Variants in SYNPO2 observed in about 807,000 individuals in gnomAD.
SYNPO2 encodes synaptopodin-2.
A neutral mutation model predicts 85.0 loss-of-function variants in SYNPO2; 56 were observed. The ratio of observed to expected loss-of-function variants is 0.66; its 90% CI spans 0.53 to 0.82. SYNPO2 has a LOEUF of 0.82. Among genes scored for constraint, SYNPO2 ranks in the 40% least tolerant of loss-of-function variants. The pLI is 0.00. For synonymous variants in SYNPO2, 602 were observed against 591.1 expected (o/e 1.02, Z -0.27); for missense variants, 1,575 against 1,534.2 (o/e 1.03, Z -0.44).
intron 1 of SYNPO2, among the ~76,000 whole-genome samples, chr4:118,871,870 A>G (rs928074114): frequency 6.6e-6 from 1 of 152,204 alleles, no homozygotes; most frequent in Non-Finnish European, 1.5e-5. Context: ...CACCTGGCCT[A>G]TAATCAATTG....
chr4:118,855,398 A>G (rs1731487806), intron 1 of SYNPO2, among the ~76,000 whole-genome samples: 1 of 152,148 alleles, frequency 6.6e-6, no homozygotes, highest in African/African-American at 2.4e-5. Context: ...AAAGACAGTA[A>G]TTGTGAAAAT....
rs143816089 is a variant in SYNPO2, at chr4:118,863,115, T to C, written c.12+12175T>C. 1.6e-3 allele frequency among the ~76,000 whole-genome samples: 239 copies of C among 152,314 alleles called. 1 individual carries two copies. Among genetic ancestry groups the C allele is most frequent in the African/African-American group, 5.4e-3 (224 of 41,576 alleles). ...TGAGCCCCTGCACCCGGACTTTTTC[T>C]TTTCTTTTTTCAAATGTGTATTTGT... On this transcript the variant is annotated intron_variant, in intron 1 of 4. Coordinates refer to the SYNPO2 transcript ENST00000610556.
At chr4:118,973,416 G>C (rs1023086023) in intron 1 of SYNPO2, among the ~76,000 whole-genome samples, 9 of 151,928 alleles carry the variant, frequency 5.9e-5, no homozygotes, top group Non-Finnish European at 5.9e-5. Flanking sequence ...TGATTTTTAA[G>C]AGAAAGCCAC....
chr4:118,926,015 G>A (rs1288165582), intron 1 of SYNPO2, among the ~76,000 whole-genome samples: 1 of 152,100 alleles, frequency 6.6e-6, no homozygotes, highest in Non-Finnish European at 1.5e-5. Context: ...CACAGTAGTC[G>A]GTGGGAGGGC....
chr4:118,936,278 A>G (rs1231090952), intron 1 of SYNPO2, among the ~76,000 whole-genome samples: 1 of 152,110 alleles, frequency 6.6e-6, no homozygotes, highest in African/African-American at 2.4e-5. Flanking sequence ...ACATATCTCC[A>G]TCGTTAAGCA....
At chr4:119,001,709 A>C (rs1736829552) in intron 1 of SYNPO2, among the ~76,000 whole-genome samples, 1 of 152,232 alleles carries the variant, frequency 6.6e-6, no homozygotes, top group Admixed American at 6.5e-5. Flanking sequence ...CGTTTTATGA[A>C]AAACCATCAA....
chr4:118,901,580 T>C (rs1732757812), intron 1 of SYNPO2, among the ~76,000 whole-genome samples: 1 of 152,262 alleles, frequency 6.6e-6, no homozygotes, highest in Non-Finnish European at 1.5e-5. Context: ...ATGTGTTATC[T>C]TTAATTATTA....
rs575976081 is a variant in SYNPO2 at position 118,999,837 on chromosome 4, A to G, written c.106-23593A>G. ...AACAGTTTCCTTCTAATCTACTACC[A>G]TCTTCAGGGTTTTGCACTATTGCCT... On this transcript the variant is annotated intron_variant, in intron 1 of 4. Transcript: ENST00000307142. Among the ~76,000 whole-genome samples, 8 of 152,290 alleles carry G rather than the reference A, an allele frequency of 5.3e-5. No homozygotes were observed. The East Asian group carries it at 9.7e-4, about 18-fold the overall frequency.
intron 2 of SYNPO2, among the ~76,000 whole-genome samples, chr4:119,024,686 TA>T (rs11299329): frequency 0.47 from 71,311 of 151,726 alleles, 16,852 homozygotes; most frequent in South Asian, 0.54. Context: ...ATTTATAAAA[TA>T]AAAAAAATTA....
intron 1 of SYNPO2, among the ~76,000 whole-genome samples, chr4:118,990,719 G>A (rs969091449): frequency 2.0e-5 from 3 of 152,108 alleles, no homozygotes; most frequent in African/African-American, 4.8e-5. Flanking sequence ...AGCGATGCTC[G>A]TGCCTCAGCC....
At chr4:118,898,110 A>G (rs1401901442) in intron 1 of SYNPO2, among the ~76,000 whole-genome samples, 2 of 152,126 alleles carry the variant, frequency 1.3e-5, no homozygotes, top group African/African-American at 2.4e-5. Flanking sequence ...AAACTATGGC[A>G]TGATACCTTG....
At chr4:118,854,375 A>G (rs1292287586) in intron 1 of SYNPO2, among the ~76,000 whole-genome samples, 1 of 152,204 alleles carries the variant, frequency 6.6e-6, no homozygotes, top group Non-Finnish European at 1.5e-5. Flanking sequence ...GGTTCCATTA[A>G]TAGAATAACT....
At chr4:118,980,504 T>C (rs564728927) in intron 1 of SYNPO2, among the ~76,000 whole-genome samples, 3 of 149,930 alleles carry the variant, frequency 2.0e-5, no homozygotes, top group East Asian at 2.0e-4. Context: ...TTCTTTCTTT[T>C]CCCCCCTTCC....
intron 1 of SYNPO2, among the ~76,000 whole-genome samples, chr4:119,002,777 T>A (rs1391689648): frequency 2.0e-5 from 3 of 152,166 alleles, no homozygotes; most frequent in African/African-American, 7.2e-5. Flanking sequence ...GAGAGCTGAA[T>A]TTTTTAAGAC....
In SYNPO2 at chr4:119,030,850, C is replaced by A; in HGVS notation, c.2075C>A (p.Thr692Lys). The A allele has an allele frequency of 6.2e-7, 1 of 1,614,094 alleles. No homozygotes were observed. Residue 692 changes from threonine to lysine, a missense_variant, in exon 4 of 5, where the codon ACG becomes AAG. Thr to Lys is a moderately conservative substitution (Grantham distance 78, BLOSUM62 -1). Coordinates refer to ENST00000307142, the MANE Select transcript of SYNPO2 (RefSeq NM_133477.3). ...GILQEAKRRSTTKPMFTFKEP... is the reference protein window; with the variant it reads ...GILQEAKRRSKTKPMFTFKEP... ...TTGCAGGAGGCCAAAAGGAGAAGCACGACAAAACCCATGTTTACTTTTAAA... is the reference window on the plus strand; with the variant it reads ...TTGCAGGAGGCCAAAAGGAGAAGCAAGACAAAACCCATGTTTACTTTTAAA...
At chr4:119,054,917 G>A (rs995287672) in intron 4 of SYNPO2, among the ~76,000 whole-genome samples, 24 of 152,034 alleles carry the variant, frequency 1.6e-4, no homozygotes, top group Admixed American at 3.9e-4. Context: ...GCAAAATCAT[G>A]GGACTCTGAA....
intron 1 of SYNPO2, among the ~76,000 whole-genome samples, chr4:118,912,386 G>T (rs528271163): frequency 7.0e-4 from 106 of 152,274 alleles, no homozygotes; most frequent in Middle Eastern, 3.4e-3. Context: ...TCACCATGTT[G>T]CCCAGGCTGG....
intron 1 of SYNPO2, among the ~76,000 whole-genome samples, chr4:118,927,746 AGATG>A (rs755353904): frequency 8.4e-5 from 12 of 142,160 alleles, no homozygotes; most frequent in East Asian, 2.1e-4. Context: ...ATAGATAGAT[AGATG>A]ATAGATAGAT....
rs1368049160 is a variant in SYNPO2, at chr4:119,033,786, C to T, written c.3252+1759C>T. The T allele has an allele frequency of 1.0e-5, 10 of 984,566 alleles. No homozygotes were observed. The African/African-American group carries it at 1.7e-4, about 17-fold the overall frequency. 61.0% of individuals were successfully genotyped at this position (984,566 alleles called of 1,614,324 possible). The stretch of plus-strand genomic sequence containing the variant: ...TCTTCCTTGTATGAGCTATTCTGAT[C>T]TAAATAATTTCTCTGATATTTCTCT... On this transcript the variant is annotated intron_variant, in intron 4 of 4. Transcript: ENST00000307142.
Sources: gnomAD v4.1 joint callset for allele counts (sites outside exome capture counted in the v4.1 genomes callset) on GRCh38, gnomAD v4.1.1 for gene constraint, MANE v1.5 for transcripts, NCBI Gene and HGNC (gene_info 2026-07-23, HGNC 2026-07-21) for gene names.